The following MED13L variants were observed in gnomAD, a reference collection of about 807,000 sequenced individuals.
MED13L encodes mediator of RNA polymerase II transcription subunit 13-like.
MED13L carries 7 observed loss-of-function variants against 220.9 expected under a neutral mutation model. The observed-to-expected ratio is 0.03, with a 90% CI of 0.02 to 0.06. MED13L has a LOEUF of 0.06. Ranked by LOEUF, MED13L falls within the 10% of genes least tolerant of loss-of-function variation. MED13L has a pLI of 1.00. For missense variants in MED13L, 1,965 were observed against 2,760.5 expected (o/e 0.71, Z 6.46); for synonymous variants, 1,011 against 1,015.2 (o/e 1.00, Z 0.08).
intron 4 of MED13L, among the ~76,000 whole-genome samples, chr12:116,040,835 C>G (rs551928676): frequency 6.7e-6 from 1 of 150,334 alleles, no homozygotes; most frequent in Non-Finnish European, 1.5e-5. Flanking sequence ...TAACTGATAA[C>G]AGGAGGCAAC....
chr12:116,040,078 C>T (rs1300713585), intron 4 of MED13L, among the ~76,000 whole-genome samples: 1 of 152,026 alleles, frequency 6.6e-6, no homozygotes, highest in African/African-American at 2.4e-5. Flanking sequence ...AGCTAGTACA[C>T]GATGCATAGC....
intron 23 of MED13L, chr12:115,980,372 C>CTT (rs1877242207): frequency 1.3e-5 from 3 of 223,364 alleles, no homozygotes; most frequent in Non-Finnish European, 2.7e-5. Context: ...GCTCTCCAGG[C>CTT]GGAAGTGGTT....
At chr12:116,187,035 G>A (rs896440911) in intron 2 of MED13L, among the ~76,000 whole-genome samples, 1 of 152,078 alleles carries the variant, frequency 6.6e-6, no homozygotes, top group Non-Finnish European at 1.5e-5. Flanking sequence ...CCAATGCTTT[G>A]TACTCAGGCA....
At chr12:116,229,846 A>G (rs187599851) in intron 2 of MED13L, among the ~76,000 whole-genome samples, 1 of 152,358 alleles carries the variant, frequency 6.6e-6, no homozygotes, top group Admixed American at 6.5e-5. Context: ...TCACCCAATG[A>G]AAAACTTACT....
At chr12:116,117,070 G>A (rs568926004) in intron 2 of MED13L, among the ~76,000 whole-genome samples, 25 of 152,016 alleles carry the variant, frequency 1.6e-4, no homozygotes, top group African/African-American at 5.8e-4. Context: ...TCTCTCAACA[G>A]TGGGAAAAAC....
At chr12:116,276,338 G>A (rs1873820995) in intron 1 of MED13L, 2 of 581,956 alleles carry the variant, frequency 3.4e-6, no homozygotes, top group African/African-American at 3.8e-5. Context: ...GTGTGTGTGT[G>A]TGTGTGTGTG....
intron 2 of MED13L, among the ~76,000 whole-genome samples, chr12:116,168,717 T>C (rs1471936935): frequency 2.6e-5 from 4 of 152,088 alleles, no homozygotes; most frequent in Admixed American, 6.6e-5. Context: ...CCAGGGCAAA[T>C]GGATGAAACT....
At chr12:115,967,170 CAAAAAA>C (rs34377158) in intron 28 of MED13L, among the ~76,000 whole-genome samples, 631 of 45,150 alleles carry the variant, frequency 0.014, 2 homozygotes, top group Non-Finnish European at 0.02. Flanking sequence ...GACTCTGTCT[CAAAAAA>C]AAAAAAAAAA....
At chr12:116,152,639 G>A (rs1214047072) in intron 2 of MED13L, among the ~76,000 whole-genome samples, 1 of 152,122 alleles carries the variant, frequency 6.6e-6, no homozygotes, top group Non-Finnish European at 1.5e-5. Context: ...GGGGGGGAAA[G>A]CAACCAAGGA....
chr12:116,188,061 C>T (rs1190704498), intron 2 of MED13L, among the ~76,000 whole-genome samples: 5 of 151,456 alleles, frequency 3.3e-5, no homozygotes, highest in African/African-American at 7.3e-5. Context: ...TTCAGGACTA[C>T]GATAATCTGT....
intron 4 of MED13L, among the ~76,000 whole-genome samples, chr12:116,044,815 A>T (rs1002885952): frequency 3.3e-5 from 5 of 152,212 alleles, no homozygotes; most frequent in Admixed American, 6.5e-5. Flanking sequence ...CAAGTGAACC[A>T]AAGCTCATCA....
intron 9 of MED13L, among the ~76,000 whole-genome samples, chr12:116,011,293 TA>T (rs1055400426): frequency 6.6e-6 from 1 of 151,496 alleles, no homozygotes; most frequent in African/African-American, 2.4e-5. Context: ...CATATGGTTA[TA>T]AAAAAAAGAC....
intron 28 of MED13L, among the ~76,000 whole-genome samples, chr12:115,967,614 A>G (rs1876271501): frequency 6.6e-6 from 1 of 152,226 alleles, no homozygotes; most frequent in Admixed American, 6.5e-5. Flanking sequence ...GGTAGTTGCT[A>G]TTATTCCATT....
intron 2 of MED13L, among the ~76,000 whole-genome samples, chr12:116,129,412 C>G (rs1450731106): frequency 1.3e-5 from 2 of 152,090 alleles, no homozygotes; most frequent in Non-Finnish European, 2.9e-5. Flanking sequence ...AAGCAAGGCC[C>G]TTTTTAACTT....
intron 1 of MED13L, among the ~76,000 whole-genome samples, chr12:116,244,814 T>C (rs1870964530): frequency 6.6e-6 from 1 of 152,148 alleles, no homozygotes; most frequent in Admixed American, 6.5e-5. Context: ...AAGCCAAGCA[T>C]GGCGCTGCTT....
intron 2 of MED13L, among the ~76,000 whole-genome samples, chr12:116,192,246 T>A (rs961007585): frequency 2.0e-5 from 3 of 152,228 alleles, no homozygotes; most frequent in African/African-American, 7.2e-5. Flanking sequence ...GCCTCCCAAA[T>A]GTCATGGCAT....
Position 116,012,803 on chromosome 12 carries a change from C to G in MED13L, c.1274G>C (p.Cys425Ser), listed in dbSNP as rs1566010110. ...TGCCTTTTTTATTACCTACCTGGAACAAGAACAGCTGACTCTTTGGGTTGG... is the reference window on the plus strand; with the variant it reads ...TGCCTTTTTTATTACCTACCTGGAAGAAGAACAGCTGACTCTTTGGGTTGG... ...VDPTQRVSCS[C>S]SRHKLLKRCA... The change falls in exon 9 of 31, where the codon TGT (cysteine) becomes TCT (serine). Residue 425 changes from cysteine (C) to serine (S), a missense_variant. Cys to Ser is a moderately radical substitution (Grantham distance 112). This residue lies in a region of MED13L where 818 missense variants were observed against 1,041.2 expected (regional missense o/e 0.79). Coordinates refer to ENST00000281928, the MANE Select transcript of MED13L (RefSeq NM_015335.5). 1 of 1,611,426 alleles carries G rather than the reference C, an allele frequency of 6.2e-7. No homozygotes were observed. The highest frequency in any genetic ancestry group is 8.5e-7 in the Non-Finnish European group (1 of 1,177,578).
rs993124524 is a variant in MED13L, at chr12:115,961,220, T to G, written c.*46A>C. On this transcript the variant is annotated 3_prime_UTR_variant, in exon 31 of 31. Transcript: ENST00000281928. ...GTGTAGCAGGTTCCTTGGACTGAGGTTGCAGGGAGAAGGAACTGAGCCAGA... is the reference window on the plus strand; with the variant it reads ...GTGTAGCAGGTTCCTTGGACTGAGGGTGCAGGGAGAAGGAACTGAGCCAGA... 3 of 1,611,402 alleles carry G rather than the reference T, an allele frequency of 1.9e-6. No homozygotes were observed. The South Asian group carries it at 3.3e-5, about 18-fold the overall frequency.
intron 2 of MED13L, among the ~76,000 whole-genome samples, chr12:116,219,728 C>G (rs1322172429): frequency 6.6e-6 from 1 of 152,150 alleles, no homozygotes; most frequent in Non-Finnish European, 1.5e-5. Flanking sequence ...AGTATTCAAG[C>G]TTTTAATGCC....
Sources: gnomAD v4.1 joint callset for allele counts (sites outside exome capture counted in the v4.1 genomes callset) on GRCh38, gnomAD v4.1.1 for gene constraint, gnomAD v4.1.1 regional missense constraint, MANE v1.5 for transcripts, NCBI Gene and HGNC (gene_info 2026-07-23, HGNC 2026-07-21) for gene names.